The following SYNPR variants were observed in gnomAD, a reference collection of about 807,000 sequenced individuals.
SYNPR encodes synaptoporin.
Under a neutral mutation model 32.9 loss-of-function variants are expected in SYNPR, and 23 were observed. The ratio of observed to expected loss-of-function variants is 0.70; its 90% CI spans 0.50 to 0.99. The LOEUF is 0.99. Among genes scored for constraint, SYNPR ranks in the 50% least tolerant of loss-of-function variants. The probability of loss-of-function intolerance (pLI) is 0.00; values close to 1 mark genes in which losing one functional copy is unlikely to be tolerated. For synonymous variants in SYNPR, 146 were observed against 135.9 expected (o/e 1.07, Z -0.52); for missense variants, 318 against 349.3 (o/e 0.91, Z 0.71).
chr3:63,283,083 G>A (rs1266090563), intron 2 of SYNPR, among the ~76,000 whole-genome samples: 1 of 152,132 alleles, frequency 6.6e-6, no homozygotes, highest in Non-Finnish European at 1.5e-5. Context: ...GTGGTATGCA[G>A]GAAGAGTTGT....
chr3:63,451,921 C>A (rs527696515), intron 2 of SYNPR, among the ~76,000 whole-genome samples: 3 of 152,192 alleles, frequency 2.0e-5, no homozygotes, highest in African/African-American at 7.2e-5. Flanking sequence ...CTCTCCCAGG[C>A]TCCTTCCCTC....
intron 2 of SYNPR, among the ~76,000 whole-genome samples, chr3:63,389,716 A>T (rs1422027218): frequency 6.6e-6 from 1 of 152,232 alleles, no homozygotes; most frequent in Non-Finnish European, 1.5e-5. Context: ...AAATGGATAA[A>T]CGAATGTCAA....
the SYNPR span, among the ~76,000 whole-genome samples, chr3:63,208,165 A>T: frequency 1.7e-3 from 263 of 152,246 alleles, 8 homozygotes; most frequent in East Asian, 0.048. Context: ...CATCTCTTCC[A>T]TAGTAAAGAG....
chr3:63,342,276 T>C (rs1238287771), intron 2 of SYNPR, among the ~76,000 whole-genome samples: 2 of 152,216 alleles, frequency 1.3e-5, no homozygotes, highest in African/African-American at 4.8e-5. Flanking sequence ...TTGTTTGTCA[T>C]GTTGAAGAAG....
intron 2 of SYNPR, among the ~76,000 whole-genome samples, chr3:63,446,739 AAAAC>A (rs1386494947): frequency 6.6e-6 from 1 of 152,158 alleles, no homozygotes; most frequent in African/African-American, 2.4e-5. Flanking sequence ...AGGGATCTTA[AAAAC>A]AAACAAACAA....
At chr3:63,204,891 A>G in the SYNPR span, among the ~76,000 whole-genome samples, 2 of 151,906 alleles carry the variant, frequency 1.3e-5, no homozygotes, top group Non-Finnish European at 2.9e-5. Context: ...TTTTGCCATC[A>G]TGGCCAGGCT....
chr3:63,317,205 C>T (rs2087052622), intron 2 of SYNPR, among the ~76,000 whole-genome samples: 1 of 151,898 alleles, frequency 6.6e-6, no homozygotes, highest in Non-Finnish European at 1.5e-5. Context: ...AATGTGTATT[C>T]TGCAGTTGTT....
In SYNPR at chr3:63,293,918, G is replaced by A. The variant is rs188736555; in HGVS notation, c.84+15176G>A. Among the ~76,000 whole-genome samples the A allele has an allele frequency of 3.6e-3, 549 of 152,174 alleles. 1 individual carries two copies. The highest frequency in any genetic ancestry group is 5.3e-3 in the Non-Finnish European group (363 of 68,020). The stretch of plus-strand genomic sequence containing the variant: ...TGCAGTGTCCCTCTTTCACAGTAAG[G>A]CCACAAGTGAGGACTTCAACATATG... On this transcript the variant is annotated intron_variant, in intron 2 of 5. Transcript: ENST00000478300.
chr3:63,426,690 T>C (rs1699898041), intron 2 of SYNPR: 1 of 152,172 alleles, frequency 6.6e-6, no homozygotes, highest in Non-Finnish European at 1.5e-5. Context: ...GGTCACCTCC[T>C]TTGGTCTGCA....
intron 2 of SYNPR, among the ~76,000 whole-genome samples, chr3:63,332,325 A>C (rs2087239720): frequency 6.6e-6 from 1 of 152,108 alleles, no homozygotes; most frequent in Non-Finnish European, 1.5e-5. Flanking sequence ...CTCCATCCTC[A>C]GGTTTGATCC....
chr3:63,596,082 T>G (rs567428801), intron 4 of SYNPR, among the ~76,000 whole-genome samples: 1 of 149,972 alleles, frequency 6.7e-6, no homozygotes, highest in East Asian at 2.0e-4. Flanking sequence ...GCCATGCTGG[T>G]GTGTTGCACC....
intron 2 of SYNPR, among the ~76,000 whole-genome samples, chr3:63,424,688 C>A (rs1699861347): frequency 2.0e-5 from 3 of 152,124 alleles, no homozygotes; most frequent in Admixed American, 2.0e-4. Flanking sequence ...TTAGCACACA[C>A]CAAAATGTAC....
intron 2 of SYNPR, chr3:63,351,324 T>G (rs2087506233): frequency 6.6e-6 from 1 of 152,192 alleles, no homozygotes; most frequent in Non-Finnish European, 1.5e-5. Context: ...TGTTTGACAG[T>G]TTGAGTTCAA....
intron 3 of SYNPR, among the ~76,000 whole-genome samples, chr3:63,500,811 A>G (rs980301491): frequency 1.5e-4 from 23 of 152,212 alleles, no homozygotes; most frequent in African/African-American, 5.5e-4. Context: ...TATATTAAAA[A>G]GTCCCCAGAG....
At chr3:63,514,066 G>C (rs1415580172) in intron 3 of SYNPR, among the ~76,000 whole-genome samples, 1 of 152,150 alleles carries the variant, frequency 6.6e-6, no homozygotes, top group Non-Finnish European at 1.5e-5. Context: ...AATATCCAAA[G>C]TAGAGAGCTA....
chr3:63,255,207 C>T lies in SYNPR; in HGVS notation n.154+2621C>T, dbSNP rs529971970. On this transcript the variant is annotated intron_variant and non_coding_transcript_variant, in intron 2 of 4. Coordinates refer to the SYNPR transcript ENST00000478456. The stretch of plus-strand genomic sequence containing the variant: ...AAATAACCTCCAGCTTGAGAACCAT[C>T]ACCTAGACATATCTGATTGTACTGC... 2.0e-5 allele frequency among the ~76,000 whole-genome samples: 3 copies of T among 152,290 alleles called. No individual in the cohort carries two copies. In the South Asian group the frequency reaches 6.2e-4, roughly 32 times the overall value.
intron 2 of SYNPR, among the ~76,000 whole-genome samples, chr3:63,368,499 G>T (rs1411326076): frequency 6.6e-6 from 1 of 152,132 alleles, no homozygotes; most frequent in Non-Finnish European, 1.5e-5. Context: ...GTCACTGCAG[G>T]GTCACTTGTG....
At chr3:63,495,718 T>G (rs4688406) in intron 3 of SYNPR, among the ~76,000 whole-genome samples, 91,561 of 151,710 alleles carry the variant, frequency 0.6, 27,839 homozygotes, top group African/African-American at 0.67. Flanking sequence ...TTTTGGTTTT[T>G]TTCTGTTCTA....
chr3:63,314,950 G>T (rs904233408), intron 2 of SYNPR, among the ~76,000 whole-genome samples: 2 of 151,904 alleles, frequency 1.3e-5, no homozygotes, highest in African/African-American at 4.8e-5. Flanking sequence ...TCTCCTGCAT[G>T]TGCCTAGCCA....
Sources: allele counts gnomAD v4.1 joint callset (sites outside exome capture counted in the v4.1 genomes callset), GRCh38; gene constraint gnomAD v4.1.1; transcripts MANE v1.5; gene names NCBI Gene and HGNC (gene_info 2026-07-23, HGNC 2026-07-21).